Variants in NEDD4L observed in about 807,000 individuals in gnomAD.
NEDD4L encodes the protein NEDD4 like E3 ubiquitin protein ligase.
NEDD4L carries 54 observed loss-of-function variants against 148.9 expected under a neutral mutation model. The ratio of observed to expected loss-of-function variants is 0.36; its 90% CI spans 0.29 to 0.45. NEDD4L has a LOEUF of 0.45. Among genes scored for constraint, NEDD4L ranks in the 20% least tolerant of loss-of-function variants. The pLI is 1.00. For synonymous variants in NEDD4L, 433 were observed against 440.7 expected (o/e 0.98, Z 0.22); for missense variants, 856 against 1,233.8 (o/e 0.69, Z 4.59).
chr18:58,083,960 A>T (rs945192237), intron 1 of NEDD4L, among the ~76,000 whole-genome samples: 1 of 152,064 alleles, frequency 6.6e-6, no homozygotes, highest in Non-Finnish European at 1.5e-5. Context: ...TGAACTCCTG[A>T]CCTCAGGTGA....
intron 1 of NEDD4L, among the ~76,000 whole-genome samples, chr18:58,071,690 G>A (rs1215892676): frequency 6.6e-6 from 1 of 152,248 alleles, no homozygotes; most frequent in African/African-American, 2.4e-5. Flanking sequence ...CTGGGACTGA[G>A]TAATTTATAA....
chr18:58,124,767 CTTTA>C (rs2030717447), intron 1 of NEDD4L, among the ~76,000 whole-genome samples: 1 of 152,226 alleles, frequency 6.6e-6, no homozygotes, highest in Non-Finnish European at 1.5e-5. Context: ...CCCTCACATA[CTTTA>C]TTCAATAATA....
At chr18:58,375,119 C>CT (rs1307610088) in intron 24 of NEDD4L, among the ~76,000 whole-genome samples, 1 of 151,940 alleles carries the variant, frequency 6.6e-6, no homozygotes, top group Non-Finnish European at 1.5e-5. Flanking sequence ...ATCTCCCTCT[C>CT]TCCTCATGCC....
Position 58,276,208 on chromosome 18 carries a change from T to TC in NEDD4L, c.297+24154_297+24155insC, listed in dbSNP as rs1265461935. Among the ~76,000 whole-genome samples the TC allele has an allele frequency of 7.0e-3, 856 of 122,348 alleles. 11 individuals are homozygous for TC. Among genetic ancestry groups the TC allele is most frequent in the African/African-American group, 0.027 (802 of 30,132 alleles). 80.3% of individuals were successfully genotyped at this position (122,348 alleles called of 152,430 possible). The stretch of plus-strand genomic sequence containing the variant: ...TTTTCTTTTTCGTTTTTTTTTTTTT[T>TC]TTTTGGGTGGGGAGGGGGGTGGTTT... On this transcript the variant is annotated intron_variant, in intron 5 of 30. Coordinates refer to ENST00000400345, the MANE Select transcript of NEDD4L (RefSeq NM_001144967.3).
At chr18:58,286,522 T>C (rs2053928188) in intron 5 of NEDD4L, among the ~76,000 whole-genome samples, 1 of 152,218 alleles carries the variant, frequency 6.6e-6, no homozygotes, top group African/African-American at 2.4e-5. Context: ...GAAGGCATCC[T>C]GTGAAGACAA....
chr18:58,296,647 C>T (rs1247622295), intron 5 of NEDD4L, among the ~76,000 whole-genome samples: 8 of 152,152 alleles, frequency 5.3e-5, no homozygotes, highest in Admixed American at 2.6e-4. Context: ...GTGGGCCGGG[C>T]GCGGTGGCTC....
chr18:58,176,831 G>C lies in NEDD4L; in HGVS notation c.122+10970G>C, dbSNP rs143004949. Among the ~76,000 whole-genome samples, 629 of 152,340 alleles carry C rather than the reference G, an allele frequency of 4.1e-3. 7 individuals are homozygous for C. The highest frequency in any genetic ancestry group is 0.014 in the African/African-American group (600 of 41,560). On this transcript the variant is annotated intron_variant, in intron 2 of 30. Coordinates refer to ENST00000400345, the MANE Select transcript of NEDD4L (RefSeq NM_001144967.3). ...TCTTGCCCTCGTTTTCTTCAGTCTA[G>C]AATGATGCTGGGGTCACTGAGTCTG...
chr18:58,189,949 T>C (rs966092176), intron 2 of NEDD4L: 14 of 152,212 alleles, frequency 9.2e-5, no homozygotes, highest in African/African-American at 2.7e-4. Flanking sequence ...GAATCTCTTA[T>C]GTGGAATTCT....
intron 1 of NEDD4L, among the ~76,000 whole-genome samples, chr18:58,161,020 CT>C (rs150307263): frequency 1.1e-4 from 17 of 149,570 alleles, no homozygotes; most frequent in Non-Finnish European, 1.9e-4. Flanking sequence ...TTCTTTCTTT[CT>C]TTTTTTTTTC....
intron 1 of NEDD4L, among the ~76,000 whole-genome samples, chr18:58,142,309 A>G (rs966298712): frequency 6.7e-6 from 1 of 148,858 alleles, no homozygotes; most frequent in African/African-American, 2.5e-5. Context: ...CGACCTCCCA[A>G]AGTGCTGGGA....
At chr18:58,227,529 C>T (rs542557051) in intron 2 of NEDD4L, among the ~76,000 whole-genome samples, 3 of 152,116 alleles carry the variant, frequency 2.0e-5, no homozygotes, top group Non-Finnish European at 4.4e-5. Flanking sequence ...TAGGACTGTG[C>T]GGTCAGTCGA....
chr18:58,341,837 T>G, intron 15 of NEDD4L, 40 bp downstream of exon 15: 2 of 1,593,018 alleles, frequency 1.3e-6, no homozygotes, highest in Non-Finnish European at 1.7e-6. Flanking sequence ...CACTCTGTCC[T>G]GTGACTCCCA....
intron 1 of NEDD4L, among the ~76,000 whole-genome samples, chr18:58,159,656 A>G (rs2035948869): frequency 6.6e-6 from 1 of 152,182 alleles, no homozygotes; most frequent in African/African-American, 2.4e-5. Context: ...CAGGCACACA[A>G]TGGTCATGGT....
intron 2 of NEDD4L, among the ~76,000 whole-genome samples, chr18:58,192,184 G>A (rs1414310743): frequency 6.6e-6 from 1 of 152,170 alleles, no homozygotes; most frequent in Non-Finnish European, 1.5e-5. Flanking sequence ...AAAACTTAAT[G>A]ATGATAGCAT....
At chr18:58,073,940 A>C (rs896196658) in intron 1 of NEDD4L, among the ~76,000 whole-genome samples, 5 of 152,212 alleles carry the variant, frequency 3.3e-5, no homozygotes, top group African/African-American at 1.2e-4. Flanking sequence ...GCGGTGCATT[A>C]AGCTGAAATA....
At chr18:58,218,283 C>T (rs1417522734) in intron 2 of NEDD4L, among the ~76,000 whole-genome samples, 2 of 152,130 alleles carry the variant, frequency 1.3e-5, no homozygotes, top group Non-Finnish European at 2.9e-5. Context: ...TAAGTGTAGT[C>T]AACAGTATTG....
Position 58,256,422 on chromosome 18 carries a change from A to G in NEDD4L, c.297+4368A>G, listed in dbSNP as rs1203475267. Reference sequence around the variant, plus strand: ...GCTTCGGGGCCAGGCAGCGACCTCAACTTTGGCTTCACGGGCACAAAGGGG... The same window carrying G: ...GCTTCGGGGCCAGGCAGCGACCTCAGCTTTGGCTTCACGGGCACAAAGGGG... On this transcript the variant is annotated intron_variant, in intron 5 of 30. Transcript: ENST00000400345. This position sits in a 1 kb window ranked among gnomAD's most constrained non-coding sequence, Gnocchi z 5.2. The G allele has an allele frequency of 1.6e-6, 2 of 1,232,186 alleles. No individual in the cohort carries two copies. The highest frequency in any genetic ancestry group is 1.6e-5 in the African/African-American group (1 of 64,434). 76.3% of individuals were successfully genotyped at this position (1,232,186 alleles called of 1,614,324 possible). A position where few individuals can be genotyped will look rare whatever the true frequency, so the allele number is the denominator to read the frequency against.
intron 5 of NEDD4L, among the ~76,000 whole-genome samples, chr18:58,310,393 G>C (rs959994997): frequency 2.0e-5 from 3 of 152,230 alleles, no homozygotes; most frequent in African/African-American, 4.8e-5. Context: ...AAAAGTACTT[G>C]AATTTTGTTT....
chr18:58,244,889 T>G (rs1393334379), intron 2 of NEDD4L, among the ~76,000 whole-genome samples: 2 of 152,054 alleles, frequency 1.3e-5, no homozygotes, highest in Non-Finnish European at 2.9e-5. Context: ...AGAGACAGGG[T>G]TTCACCAGGT....
Sources: allele counts gnomAD v4.1 joint callset (sites outside exome capture counted in the v4.1 genomes callset), GRCh38; gene constraint gnomAD v4.1.1; non-coding constraint Gnocchi (gnomAD v3.1); transcripts MANE v1.5; gene names NCBI Gene and HGNC (gene_info 2026-07-23, HGNC 2026-07-21).